TBC1D19: variants seen among roughly 807,000 people sequenced by gnomAD.
The protein encoded by TBC1D19 is TBC1 domain family member 19.
TBC1D19 carries 60 observed loss-of-function variants against 89.0 expected under a neutral mutation model. That is an observed-to-expected ratio of 0.67 (90% CI 0.55 to 0.84). The LOEUF is 0.84. TBC1D19 is among the 40% of genes least tolerant of loss of function. TBC1D19 has a pLI of 0.00. For missense variants in TBC1D19, 500 were observed against 610.8 expected, an observed-to-expected ratio of 0.82 and a Z score of 1.91; for synonymous variants, 189 against 199.7, an observed-to-expected ratio of 0.95 and a Z score of 0.45.
At chr4:26,787,542 A>G in the TBC1D19 span, among the ~76,000 whole-genome samples, 1 of 152,162 alleles carries the variant, frequency 6.6e-6, no homozygotes, top group Non-Finnish European at 1.5e-5. Context: ...GGGCAGCACT[A>G]TGAGAGTGTG....
the TBC1D19 span, among the ~76,000 whole-genome samples, chr4:26,797,235 A>T: frequency 6.6e-6 from 1 of 152,300 alleles, no homozygotes; most frequent in Non-Finnish European, 1.5e-5. Flanking sequence ...CTATATATCA[A>T]TAATATTCAA....
rs138904822 is a variant in TBC1D19, at chr4:26,718,842, C to T, written c.1039+825C>T. Among the ~76,000 whole-genome samples the T allele has an allele frequency of 8.8e-4, 134 of 152,182 alleles. No homozygotes were observed. In the Middle Eastern group the frequency reaches 0.017, roughly 19 times the overall value. Reference sequence around the variant, plus strand: ...TAAACTGAATTATCTACTGAGCTCACCTCTAAACTCAGCCAGGATTTTAAG... The same window carrying T: ...TAAACTGAATTATCTACTGAGCTCATCTCTAAACTCAGCCAGGATTTTAAG... On this transcript the variant is annotated intron_variant, in intron 14 of 20. Transcript: ENST00000264866.
chr4:26,645,382 C>T (rs955124041), intron 7 of TBC1D19, among the ~76,000 whole-genome samples: 16 of 152,258 alleles, frequency 1.1e-4, no homozygotes, highest in African/African-American at 3.9e-4. Context: ...TTTGACAAAC[C>T]TGACAAAAAC....
At chr4:26,789,339 G>A in the TBC1D19 span, among the ~76,000 whole-genome samples, 1 of 152,184 alleles carries the variant, frequency 6.6e-6, no homozygotes, top group Non-Finnish European at 1.5e-5. Flanking sequence ...TAGAATGTGG[G>A]CAGAGGATGA....
the TBC1D19 span, among the ~76,000 whole-genome samples, chr4:26,771,451 A>C: frequency 6.6e-6 from 1 of 152,212 alleles, no homozygotes; most frequent in Non-Finnish European, 1.5e-5. Flanking sequence ...GTGAATAAAG[A>C]AAGGTGGTAT....
At chr4:26,812,466 A>T in the TBC1D19 span, among the ~76,000 whole-genome samples, 3 of 152,300 alleles carry the variant, frequency 2.0e-5, no homozygotes, top group South Asian at 6.2e-4. This position sits in a 1 kb window ranked among gnomAD's most constrained non-coding sequence, Gnocchi z 4.2. Flanking sequence ...TCCGGAGAGC[A>T]CCAACCCTTC....
the TBC1D19 span, among the ~76,000 whole-genome samples, chr4:26,786,709 A>G: frequency 8.8e-6 from 1 of 113,140 alleles, no homozygotes; most frequent in Non-Finnish European, 1.7e-5. Context: ...GGATGGTAGC[A>G]TGAACAGGTG....
chr4:26,788,816 C>T, the TBC1D19 span, among the ~76,000 whole-genome samples: 4 of 152,160 alleles, frequency 2.6e-5, no homozygotes, highest in Non-Finnish European at 5.9e-5. Context: ...ACAACATGCT[C>T]TAGAGACAAG....
intron 13 of TBC1D19, among the ~76,000 whole-genome samples, chr4:26,700,671 A>G (rs1228264911): frequency 6.6e-6 from 1 of 152,180 alleles, no homozygotes; most frequent in Non-Finnish European, 1.5e-5. Flanking sequence ...GTTATTAGTT[A>G]GTGGGATTTT....
intron 4 of TBC1D19, among the ~76,000 whole-genome samples, chr4:26,622,841 C>T (rs572254262): frequency 6.6e-6 from 1 of 152,186 alleles, no homozygotes; most frequent in Non-Finnish European, 1.5e-5. Context: ...TACTATCTTC[C>T]CTTTCATACA....
At chr4:26,832,446 T>C in the TBC1D19 span, among the ~76,000 whole-genome samples, 557 of 152,326 alleles carry the variant, frequency 3.7e-3, 5 homozygotes, top group African/African-American at 0.013. Flanking sequence ...GCTCCAGAAG[T>C]CTACAGCTCC....
rs1740943246 is a variant in TBC1D19, at chr4:26,605,591, A to G, written c.100-7578A>G. On this transcript the variant is annotated intron_variant, in intron 1 of 20. Transcript: ENST00000264866. ...CCCCGTAATGGAATGGCTGGGTCAA[A>G]TGGTATTTCTAGTTCTAGATCCCTG... Among the ~76,000 whole-genome samples the G allele has an allele frequency of 2.6e-5, 4 of 152,122 alleles. No homozygotes were observed. The South Asian group carries it at 8.3e-4, about 32-fold the overall frequency.
chr4:26,599,618 T>C (rs751177100), intron 1 of TBC1D19, among the ~76,000 whole-genome samples: 20 of 152,194 alleles, frequency 1.3e-4, no homozygotes, highest in Non-Finnish European at 1.5e-4. Context: ...TTTCGTTTTC[T>C]GAGTTACTTT....
At chr4:26,652,399 A>AT (rs1203852573) in intron 7 of TBC1D19, among the ~76,000 whole-genome samples, 2 of 151,740 alleles carry the variant, frequency 1.3e-5, no homozygotes, top group African/African-American at 2.4e-5. Flanking sequence ...AGAGCCTGTT[A>AT]TTTTTTTGTT....
the TBC1D19 span, among the ~76,000 whole-genome samples, chr4:26,812,561 G>A: frequency 6.6e-6 from 1 of 152,136 alleles, no homozygotes; most frequent in Admixed American, 6.5e-5. This position sits in a 1 kb window ranked among gnomAD's most constrained non-coding sequence, Gnocchi z 4.2. Flanking sequence ...CACAGGAAAA[G>A]GAGTGTGCAA....
intron 3 of TBC1D19, among the ~76,000 whole-genome samples, chr4:26,615,306 A>G (rs1482955152): frequency 6.6e-6 from 1 of 152,194 alleles, no homozygotes; most frequent in Admixed American, 6.5e-5. Context: ...AGTTTCTCCA[A>G]CATTCTGTTA....
chr4:26,678,257 A>T (rs1713010847), intron 11 of TBC1D19, among the ~76,000 whole-genome samples: 1 of 152,208 alleles, frequency 6.6e-6, no homozygotes, highest in South Asian at 2.1e-4. Flanking sequence ...TAGCAAAGAG[A>T]CTGGCAGCAT....
chr4:26,656,039 G>GTT (rs141943216), intron 7 of TBC1D19, among the ~76,000 whole-genome samples: 1 of 151,134 alleles, frequency 6.6e-6, no homozygotes, highest in African/African-American at 2.4e-5. Flanking sequence ...ATTCCTAATA[G>GTT]TTTTTTTTTC....
At chr4:26,780,888 G>A in the TBC1D19 span, among the ~76,000 whole-genome samples, 1 of 152,166 alleles carries the variant, frequency 6.6e-6, no homozygotes, top group Non-Finnish European at 1.5e-5. Flanking sequence ...GGAAGTTCCT[G>A]ATGTGTGGAG....
Sources: allele counts gnomAD v4.1 joint callset (sites outside exome capture counted in the v4.1 genomes callset), GRCh38; gene constraint gnomAD v4.1.1; non-coding constraint Gnocchi (gnomAD v3.1); transcripts MANE v1.5; gene names NCBI Gene and HGNC (gene_info 2026-07-23, HGNC 2026-07-21).